Variants in HECW1 observed in about 807,000 individuals in gnomAD.
The protein encoded by HECW1 is HECT, C2 and WW domain containing E3 ubiquitin protein ligase 1, also known as E3 ubiquitin-protein ligase HECW1.
Under a neutral mutation model 182.3 loss-of-function variants are expected in HECW1, and 61 were observed. The ratio of observed to expected loss-of-function variants is 0.33; its 90% confidence interval spans 0.27 to 0.41. The LOEUF is 0.41. Among genes scored for constraint, HECW1 ranks in the 10% least tolerant of loss-of-function variants. The probability of loss-of-function intolerance (pLI) is 1.00; values close to 1 mark genes in which losing one functional copy is unlikely to be tolerated. For missense variants in HECW1, 1,739 were observed against 2,108.9 expected, an observed-to-expected ratio of 0.82 and a Z score of 3.44; for synonymous variants, 859 against 832.6, an observed-to-expected ratio of 1.03 and a Z score of -0.55.
intron 11 of HECW1, among the ~76,000 whole-genome samples, chr7:43,446,438 A>G (rs181692723): frequency 6.6e-6 from 1 of 152,368 alleles, no homozygotes; most frequent in East Asian, 1.9e-4. Context: ...ACATAATAAT[A>G]TGAAATAATT....
rs1047351710 is a variant in HECW1, at chr7:43,349,159, C to T, written c.461-11727C>T. 3.9e-5 allele frequency among the ~76,000 whole-genome samples: 6 copies of T among 152,182 alleles called. No individual in the cohort carries two copies. The South Asian group carries it at 8.3e-4, about 21-fold the overall frequency. ...AAGTGATTCTCCTGCCTCAGCCTAC[C>T]GAGTAGTTGGGATTACAGGCATGCG... On this transcript the variant is annotated intron_variant, in intron 5 of 29. Transcript: ENST00000395891.
intron 3 of HECW1, chr7:43,274,671 G>C (rs1469735788): frequency 3.4e-5 from 10 of 293,620 alleles, no homozygotes; most frequent in Non-Finnish European, 4.6e-5. Flanking sequence ...GAGCGAGAGA[G>C]AGCGCGCAGT....
In HECW1 at chr7:43,432,998, C is replaced by T. The variant is rs999999212; in HGVS notation, c.802-5005C>T. 2.0e-5 allele frequency among the ~76,000 whole-genome samples: 3 copies of T among 152,144 alleles called. No individual in the cohort carries two copies. Among genetic ancestry groups the T allele is most frequent in the South Asian group, 2.1e-4 (1 of 4,818 alleles). The stretch of plus-strand genomic sequence containing the variant: ...GCACCAGTGCTAATATCTCTCTGGA[C>T]GATTGAAGATGATAGGAGCACATCA... On this transcript the variant is annotated intron_variant, in intron 8 of 29. Transcript: ENST00000395891. The surrounding 1 kb of genome is among the most constrained non-coding windows in gnomAD (Gnocchi z 4.1).
Position 43,407,566 on chromosome 7 carries a change from C to T in HECW1, c.636C>T (p.Phe212=). Residue 212 remains phenylalanine (F), a synonymous_variant, in exon 8 of 30, where the codon TTC becomes TTT. Transcript: ENST00000395891. The part of the protein sequence containing the change: ...RRLISFSLSD[F]QAMGLKKGMF... ...AAAGTATCCTTTATTTTATAGATTTCCAAGCCATGGGGTTGAAGAAAGGGA... is the reference window on the plus strand; with the variant it reads ...AAAGTATCCTTTATTTTATAGATTTTCAAGCCATGGGGTTGAAGAAAGGGA... 1 of 1,609,254 alleles carries T rather than the reference C, an allele frequency of 6.2e-7. No individual in the cohort carries two copies. The highest frequency in any genetic ancestry group is 8.5e-7 in the Non-Finnish European group (1 of 1,177,156).
At chr7:43,253,917 A>G (rs1042074119) in intron 3 of HECW1, among the ~76,000 whole-genome samples, 1 of 152,204 alleles carries the variant, frequency 6.6e-6, no homozygotes, top group African/African-American at 2.4e-5. Context: ...TCAGAAAAAA[A>G]AAAAGACAGA....
intron 2 of HECW1, among the ~76,000 whole-genome samples, chr7:43,174,254 G>A (rs1791989960): frequency 6.6e-6 from 1 of 152,162 alleles, no homozygotes; most frequent in African/African-American, 2.4e-5. Context: ...CCCATTTTCT[G>A]ACACATCATC....
At chr7:43,454,034 G>C (rs1216568750) in intron 12 of HECW1, among the ~76,000 whole-genome samples, 1 of 152,192 alleles carries the variant, frequency 6.6e-6, no homozygotes, top group African/African-American at 2.4e-5. Context: ...ATTGACAAAA[G>C]AGCCCAGCTG....
At chr7:43,343,123 T>C (rs995762539) in intron 5 of HECW1, among the ~76,000 whole-genome samples, 1 of 151,610 alleles carries the variant, frequency 6.6e-6, no homozygotes, top group African/African-American at 2.4e-5. Flanking sequence ...CTCTGTCTAA[T>C]TCATCAACTC....
chr7:43,386,634 A>T (rs1015558912), intron 6 of HECW1, among the ~76,000 whole-genome samples: 4 of 152,150 alleles, frequency 2.6e-5, no homozygotes, highest in African/African-American at 7.2e-5. Flanking sequence ...TCTTCTAATT[A>T]AACCCTTCCA....
rs751079911 is a variant in HECW1, at chr7:43,550,546, C to T, written c.4350C>T (p.Arg1450=). The change falls in exon 27 of 30, where the codon CGC becomes CGT. Residue 1450 remains arginine, a synonymous_variant. Transcript: ENST00000395891. ...GCATGGTGAAGTGGCGGGTGGAGCG[C>T]GGCGTGGTACAGCAGACCGAGGCGC... ...IERMVKWRVE[R]GVVQQTEALV... is the part of the protein sequence containing the mutation. 1.4e-5 allele frequency: 22 copies of T among 1,611,128 alleles called. No homozygotes were observed. The highest frequency in any genetic ancestry group is 1.3e-4 in the East Asian group (6 of 44,854).
At chr7:43,388,825 G>A (rs562697986) in intron 6 of HECW1, among the ~76,000 whole-genome samples, 2 of 152,144 alleles carry the variant, frequency 1.3e-5, no homozygotes, top group African/African-American at 4.8e-5. Flanking sequence ...CCAACAGTTT[G>A]CCATGCAGCC....
chr7:43,467,738 G>C (rs1032704697), intron 15 of HECW1, among the ~76,000 whole-genome samples: 8 of 152,122 alleles, frequency 5.3e-5, no homozygotes, highest in Non-Finnish European at 1.2e-4. Flanking sequence ...GCAGCACTTA[G>C]GTCCACCGTG....
At chr7:43,155,544 A>G (rs1789792392) in intron 2 of HECW1, among the ~76,000 whole-genome samples, 1 of 152,232 alleles carries the variant, frequency 6.6e-6, no homozygotes. Flanking sequence ...TTTGTATTTT[A>G]CTTTGGCAAA....
chr7:43,283,727 C>A (rs1022791353), intron 3 of HECW1, among the ~76,000 whole-genome samples: 1 of 152,126 alleles, frequency 6.6e-6, no homozygotes, highest in Non-Finnish European at 1.5e-5. Context: ...TGCAAAACGT[C>A]CCTCAAAGTG....
chr7:43,330,540 G>A (rs1294914694), intron 5 of HECW1, among the ~76,000 whole-genome samples: 1 of 152,194 alleles, frequency 6.6e-6, no homozygotes, highest in African/African-American at 2.4e-5. Flanking sequence ...GAGCACCAGA[G>A]AAACCATCAA....
chr7:43,186,122 T>C (rs1793374555), intron 2 of HECW1, among the ~76,000 whole-genome samples: 1 of 152,212 alleles, frequency 6.6e-6, no homozygotes, highest in Non-Finnish European at 1.5e-5. Context: ...TTTGGGAATT[T>C]CATGCTTAGA....
At chr7:43,257,450 G>A (rs1194830937) in intron 3 of HECW1, among the ~76,000 whole-genome samples, 1 of 152,120 alleles carries the variant, frequency 6.6e-6, no homozygotes, top group Non-Finnish European at 1.5e-5. Flanking sequence ...AAGGTAAGAA[G>A]GCTGATATTA....
At chr7:43,193,382 C>T (rs967914484) in intron 2 of HECW1, among the ~76,000 whole-genome samples, 2 of 151,908 alleles carry the variant, frequency 1.3e-5, no homozygotes, top group Admixed American at 6.6e-5. Context: ...TCTTACTTCA[C>T]GTGTTTTCTT....
At chr7:43,173,751 A>T (rs1013851235) in intron 2 of HECW1, among the ~76,000 whole-genome samples, 3 of 152,094 alleles carry the variant, frequency 2.0e-5, no homozygotes, top group Non-Finnish European at 2.9e-5. Flanking sequence ...AAGGACCACT[A>T]TTGGTCTATG....
Sources: gnomAD v4.1 joint callset for allele counts (sites outside exome capture counted in the v4.1 genomes callset) on GRCh38, gnomAD v4.1.1 for gene constraint, Gnocchi (gnomAD v3.1) non-coding constraint, MANE v1.5 for transcripts, NCBI Gene and HGNC (gene_info 2026-07-23, HGNC 2026-07-21) for gene names.